The following STARD9 variants were observed in gnomAD, a reference collection of about 807,000 sequenced individuals.
The protein encoded by STARD9 is StAR related lipid transfer domain containing 9.
In STARD9, 346 loss-of-function variants were observed where a neutral mutation model predicts 399.8. That is an observed-to-expected ratio of 0.87 (90% CI 0.79 to 0.95). STARD9 has a LOEUF of 0.95. Among genes scored for constraint, STARD9 ranks in the 40% least tolerant of loss-of-function variants. STARD9 has a pLI of 0.00. For missense variants in STARD9, 5,832 were observed against 5,667.5 expected, an observed-to-expected ratio of 1.03 and a Z score of -0.93; for synonymous variants, 2,203 against 2,143.5, an observed-to-expected ratio of 1.03 and a Z score of -0.77.
chr15:42,688,480 A>T lies in STARD9; in HGVS notation c.6902A>T (p.Gln2301Leu). Residue 2301 changes from glutamine (Q) to leucine (L), a missense_variant, in exon 23 of 33, where the codon CAG becomes CTG. By Grantham distance (113) the Gln-to-Leu change is moderately radical (BLOSUM62 -2). Coordinates refer to ENST00000290607, the MANE Select transcript of STARD9 (RefSeq NM_020759.3). ...KVTQKFPSLSQLCRDTFFRQE... is the reference protein window; with the variant it reads ...KVTQKFPSLSLLCRDTFFRQE... Reference sequence around the variant, plus strand: ...ACTCAGAAATTTCCTAGTCTCAGCCAGCTTTGTAGGGACACGTTTTTCAGG... The same window carrying T: ...ACTCAGAAATTTCCTAGTCTCAGCCTGCTTTGTAGGGACACGTTTTTCAGG... The T allele has an allele frequency of 6.5e-7, 1 of 1,537,904 alleles. No homozygotes were observed. The highest frequency in any genetic ancestry group is 8.7e-7 in the Non-Finnish European group (1 of 1,147,054).
intron 22 of STARD9, among the ~76,000 whole-genome samples, chr15:42,683,782 A>T (rs2140218656): frequency 6.6e-6 from 1 of 152,348 alleles, no homozygotes; most frequent in East Asian, 1.9e-4. Context: ...TAGAATATGT[A>T]TCACTCTATA....
rs1335355589 is a variant in STARD9 at position 42,682,329 on chromosome 15, G to A, written c.2291G>A (p.Arg764Gln). 4.6e-6 allele frequency: 7 copies of A among 1,537,072 alleles called. No individual in the cohort carries two copies. Among genetic ancestry groups the A allele is most frequent in the African/African-American group, 4.1e-5 (3 of 73,016 alleles). ...HTLRAAERNV[R>Q]RKKVSFQLER... Reference sequence around the variant, plus strand: ...CTTCGGGCAGCAGAGCGGAATGTCCGGCGGAAAAAGGTCTCATTCCAGCTA... The same window carrying A: ...CTTCGGGCAGCAGAGCGGAATGTCCAGCGGAAAAAGGTCTCATTCCAGCTA... Residue 764 changes from arginine (R) to glutamine (Q), a missense_variant, in exon 22 of 33, where the codon CGG becomes CAG. Physicochemically the swap from Arg to Gln is conservative, Grantham distance 43. Coordinates refer to ENST00000290607, the MANE Select transcript of STARD9 (RefSeq NM_020759.3).
At position 42,682,174 on chromosome 15, in the gene STARD9, A is replaced by G; in HGVS notation, c.2136A>G (p.Val712=). 6.5e-7 allele frequency: 1 copy of G among 1,537,292 alleles called. No individual in the cohort carries two copies. Among genetic ancestry groups the G allele is most frequent in the Admixed American group, 2.0e-5 (1 of 51,006 alleles). The change falls in exon 22 of 33, where the codon GTA becomes GTG. Residue 712 remains valine, a synonymous_variant. Coordinates refer to ENST00000290607, the MANE Select transcript of STARD9 (RefSeq NM_020759.3). ...SLQQQQQEDQ[V]AEKELEASVA... ...AACAGCAGCAGCAAGAAGACCAGGT[A>G]GCAGAGAAAGAACTTGAGGCATCTG...
intron 9 of STARD9, 46 bp downstream of exon 9, chr15:42,652,638 C>T (rs1274714637): frequency 2.2e-5 from 32 of 1,439,994 alleles, no homozygotes; most frequent in Non-Finnish European, 2.9e-5. Context: ...TCTCCTTGTA[C>T]CTTTAAACCA....
intron 7 of STARD9, among the ~76,000 whole-genome samples, 192 bp from the exon 8 acceptor site, chr15:42,650,824 A>G (rs941350212): frequency 5.3e-5 from 8 of 152,224 alleles, no homozygotes; most frequent in Non-Finnish European, 8.8e-5. Flanking sequence ...CCTAGAGTCT[A>G]TCATATACCT....
chr15:42,650,951 A>G, intron 7 of STARD9, 65 bp from the exon 8 acceptor site: 1 of 1,194,440 alleles, frequency 8.4e-7, no homozygotes, highest in Non-Finnish European at 1.2e-6. Flanking sequence ...AAGACTTACA[A>G]GAAAAGGTTA....
In STARD9 at chr15:42,682,291, G is replaced by C. The variant is rs1039696457; in HGVS notation, c.2253G>C (p.Leu751=). Residue 751 remains leucine (L), a synonymous_variant, in exon 22 of 33, where the codon CTG becomes CTC. Coordinates refer to ENST00000290607, the MANE Select transcript of STARD9 (RefSeq NM_020759.3). ...SQKRVVHLQL[L]RRHTLRAAER... is the part of the protein sequence containing the mutation. Reference sequence around the variant, plus strand: ...AAAGGGTGGTGCACCTGCAGCTCCTGCGGAGACACACTCTTCGGGCAGCAG... The same window carrying C: ...AAAGGGTGGTGCACCTGCAGCTCCTCCGGAGACACACTCTTCGGGCAGCAG... 2.6e-6 allele frequency: 4 copies of C among 1,537,284 alleles called. No individual in the cohort carries two copies. The highest frequency in any genetic ancestry group is 3.5e-6 in the Non-Finnish European group (4 of 1,146,906).
intron 3 of STARD9, among the ~76,000 whole-genome samples, chr15:42,592,115 A>C (rs1360957338): frequency 6.6e-6 from 1 of 152,216 alleles, no homozygotes; most frequent in African/African-American, 2.4e-5. Context: ...ATAATTTCTT[A>C]AATACCCTAA....
chr15:42,578,872 ATCCT>A (rs2058110915), intron 1 of STARD9, among the ~76,000 whole-genome samples: 1 of 152,194 alleles, frequency 6.6e-6, no homozygotes, highest in South Asian at 2.1e-4. Flanking sequence ...TTCTGCAGAC[ATCCT>A]TCCTTTCTTC....
chr15:42,699,688 T>G (rs1470004522), intron 26 of STARD9, among the ~76,000 whole-genome samples: 1 of 151,896 alleles, frequency 6.6e-6, no homozygotes, highest in Non-Finnish European at 1.5e-5. Flanking sequence ...CCACCGTGCC[T>G]GGCTAACTTT....
chr15:42,576,389 C>A (rs1345839757), intron 1 of STARD9, among the ~76,000 whole-genome samples: 2 of 152,152 alleles, frequency 1.3e-5, no homozygotes, highest in Non-Finnish European at 2.9e-5. Context: ...TCATCTCAGC[C>A]CTTGAGACAT....
intron 3 of STARD9, among the ~76,000 whole-genome samples, chr15:42,617,019 C>T (rs987298546): frequency 1.3e-5 from 2 of 151,786 alleles, no homozygotes; most frequent in African/African-American, 4.8e-5. Flanking sequence ...AAAATAATTC[C>T]TGAGTTAAGT....
chr15:42,649,603 A>G (rs1182662915), intron 7 of STARD9, among the ~76,000 whole-genome samples: 1 of 150,626 alleles, frequency 6.6e-6, no homozygotes, highest in Admixed American at 6.6e-5. Flanking sequence ...CTTATCGCCC[A>G]GGCTGGGGTG....
At chr15:42,669,887 C>T (rs2060172367) in intron 16 of STARD9, 1 of 152,066 alleles carries the variant, frequency 6.6e-6, no homozygotes, top group South Asian at 2.1e-4. Context: ...CCCACCTCTA[C>T]TAAAAATACA....
intron 9 of STARD9, among the ~76,000 whole-genome samples, chr15:42,656,182 G>A (rs1203137881): frequency 6.6e-6 from 1 of 151,696 alleles, no homozygotes; most frequent in Non-Finnish European, 1.5e-5. Flanking sequence ...ATGGCGAAAT[G>A]CTGTATCTAC....
intron 26 of STARD9, among the ~76,000 whole-genome samples, chr15:42,708,829 T>C (rs1057375687): frequency 1.3e-5 from 2 of 152,196 alleles, no homozygotes; most frequent in Non-Finnish European, 1.5e-5. Flanking sequence ...ATTGAAGTTA[T>C]GCGTTTTTGG....
intron 20 of STARD9, among the ~76,000 whole-genome samples, chr15:42,679,445 T>C (rs1425063824): frequency 1.3e-5 from 2 of 152,228 alleles, no homozygotes; most frequent in African/African-American, 2.4e-5. Flanking sequence ...CTCAAGTGTC[T>C]GGACCTGTCC....
At chr15:42,672,510 A>G (rs2060222340) in intron 16 of STARD9, 1 of 152,258 alleles carries the variant, frequency 6.6e-6, no homozygotes, top group Non-Finnish European at 1.5e-5. Context: ...CTGAACGCAC[A>G]TGAAAAGTTT....
Position 42,619,144 on chromosome 15 carries a change from A to G in STARD9, c.235-15712A>G, listed in dbSNP as rs148448542. The stretch of plus-strand genomic sequence containing the variant: ...GTTTACTTTTTTGGTGTACATTTCC[A>G]TGAATATTTACACATGCATAGATTC... On this transcript the variant is annotated intron_variant, in intron 3 of 32. Coordinates refer to ENST00000290607, the MANE Select transcript of STARD9 (RefSeq NM_020759.3). Among the ~76,000 whole-genome samples the G allele has an allele frequency of 2.3e-3, 347 of 152,202 alleles. 2 individuals are homozygous for G. Among genetic ancestry groups the G allele is most frequent in the South Asian group, 0.019 (92 of 4,832 alleles).
Sources: gnomAD v4.1 joint callset for allele counts (sites outside exome capture counted in the v4.1 genomes callset) on GRCh38, gnomAD v4.1.1 for gene constraint, MANE v1.5 for transcripts, NCBI Gene and HGNC (gene_info 2026-07-23, HGNC 2026-07-21) for gene names.